The following CCDC87 variants were observed in gnomAD, a reference collection of about 807,000 sequenced individuals.
The protein encoded by CCDC87 is coiled-coil domain-containing protein 87.
For synonymous variants in CCDC87, 434 were observed against 440.2 expected (o/e 0.99, Z 0.18); for missense variants, 1,072 against 1,041.7 (o/e 1.03, Z -0.40).
chr11:66,591,908 G>A lies in CCDC87; in HGVS notation c.1108C>T (p.Arg370Cys), dbSNP rs111997006. ...LIKKMKLEGT[R>C]YPPLDSGLPP... ...AGGCCTGAGTCCAGTGGTGGGTAGC[G>A]AGTCCCCTCCAACTTCATCTTCTTT... The change falls in exon 1 of 1, where the codon CGC (arginine) becomes TGC (cysteine). Residue 370 changes from arginine (R) to cysteine (C), a missense_variant. By Grantham distance (180) the Arg-to-Cys change is radical. Coordinates refer to ENST00000333861, the MANE Select transcript of CCDC87 (RefSeq NM_018219.3). 3.3e-5 allele frequency: 54 copies of A among 1,613,926 alleles called. No homozygotes were observed. In the East Asian group the frequency reaches 1.1e-3, roughly 33 times the overall value.
chr11:66,591,238 G>C lies in CCDC87; in HGVS notation c.1778C>G (p.Ser593Cys), dbSNP rs779547079. Residue 593 changes from serine to cysteine, a missense_variant, in exon 1 of 1, where the codon TCT becomes TGT. By Grantham distance (112) the Ser-to-Cys change is moderately radical. Transcript: ENST00000333861. ...SLMNSWKTTL[S>C]VDDYFKYLTN... ...GAGGTACTTGAAGTAGTCATCCACA[G>C]ACAAGGTGGTTTTCCATGAGTTCAT... The C allele has an allele frequency of 1.2e-6, 2 of 1,614,270 alleles. No homozygotes were observed. The highest frequency in any genetic ancestry group is 2.2e-5 in the South Asian group (2 of 91,086).
Position 66,591,320 on chromosome 11 carries a change from G to A in CCDC87, c.1696C>T (p.Leu566Phe). Residue 566 changes from leucine (L) to phenylalanine (F), a missense_variant, in exon 1 of 1, where the codon CTC (leucine) becomes TTC (phenylalanine). Transcript: ENST00000333861. ...LQSNTKKMPS[L>F]PSLQATKSWE... ...CTTTTGGTAGCTTGGAGTGATGGGA[G>A]GGAGGGCATCTTCTTAGTATTGGAC... 1 of 1,614,198 alleles carries A rather than the reference G, an allele frequency of 6.2e-7. No homozygotes were observed.
Position 66,591,841 on chromosome 11 carries a change from C to T in CCDC87, c.1175G>A (p.Gly392Glu). The T allele has an allele frequency of 6.2e-7, 1 of 1,613,460 alleles. No homozygotes were observed. Among genetic ancestry groups the T allele is most frequent in the Middle Eastern group, 1.6e-4 (1 of 6,062 alleles). ...LGVVTRHPAA[G>E]HRLEELEKML... ...CTTCTCCAGCTCCTCCAGGCGATGC[C>T]CTGCAGCTGGGTGACGGGTCACAAC... The change falls in exon 1 of 1, where the codon GGG becomes GAG. Residue 392 changes from glycine to glutamate, a missense_variant. Coordinates refer to ENST00000333861, the MANE Select transcript of CCDC87 (RefSeq NM_018219.3).
chr11:66,592,028 G>A lies in CCDC87; in HGVS notation c.988C>T (p.Leu330Phe), dbSNP rs779905794. The A allele has an allele frequency of 1.9e-6, 3 of 1,613,832 alleles. No individual in the cohort carries two copies. Among genetic ancestry groups the A allele is most frequent in the Non-Finnish European group, 1.7e-6 (2 of 1,179,948 alleles). Residue 330 changes from leucine (L) to phenylalanine (F), a missense_variant, in exon 1 of 1, where the codon CTC (leucine) becomes TTC (phenylalanine). Transcript: ENST00000333861. ...AGCGGGGTTAAGGGGCGAGATGGGAGTGGAGGAAGGCCCAACTCATCTGCC... is the reference window on the plus strand; with the variant it reads ...AGCGGGGTTAAGGGGCGAGATGGGAATGGAGGAAGGCCCAACTCATCTGCC... Reference protein sequence around the residue: ...RLADELGLPPLPSRPLTPLVL... With the variant: ...RLADELGLPPFPSRPLTPLVL...
chr11:66,591,125 ACT>A lies in CCDC87; in HGVS notation c.1889_1890del (p.Glu630ValfsTer14), dbSNP rs779952719. ...GGGGGAGGGTGCTGAATCTCTAGGG[ACT>A]CTCTGGCAGGGGCCACAATCTCCAC... ...VPVEIVAPAR[E>X]SLEIQHPPPL... On this transcript the variant is annotated frameshift_variant, in exon 1 of 1. Coordinates refer to ENST00000333861, the MANE Select transcript of CCDC87 (RefSeq NM_018219.3). LOFTEE classifies it low-confidence loss of function (END_TRUNC). The A allele has an allele frequency of 3.7e-6, 6 of 1,613,454 alleles. No individual in the cohort carries two copies. The East Asian group carries it at 8.9e-5, about 24-fold the overall frequency.
rs781127005 is a variant in CCDC87, at chr11:66,592,882, A to C, written c.134T>G (p.Leu45Arg). ...CAGCTTCGCCAGAGGGAAGGACTGC[A>C]GAATCCGGCCCTCCTGCGGGGGGCG... ...QKRPPQEGRILQSFPLAKLTV... is the reference protein window; with the variant it reads ...QKRPPQEGRIRQSFPLAKLTV... The change falls in exon 1 of 1, where the codon CTG (leucine) becomes CGG (arginine). Residue 45 changes from leucine to arginine, a missense_variant. Leu to Arg is a moderately radical substitution (Grantham distance 102). Coordinates refer to ENST00000333861, the MANE Select transcript of CCDC87 (RefSeq NM_018219.3). 6.4e-7 allele frequency: 1 copy of C among 1,551,788 alleles called. No individual in the cohort carries two copies. Among genetic ancestry groups the C allele is most frequent in the Non-Finnish European group, 8.7e-7 (1 of 1,149,934 alleles).
In CCDC87 at chr11:66,591,749, GA is replaced by G; in HGVS notation, c.1266del (p.Pro423HisfsTer7). ...GQWDPQPPKSFPLHPQPVTIT... is the reference protein window; with the variant it reads ...GQWDPQPPKSXPLHPQPVTIT... ...ATGGTCACTGGCTGTGGGTGAAGTG[GA>G]AAGGATTTGGGGGGCTGGGGGTCCC... On this transcript the variant is annotated frameshift_variant, in exon 1 of 1. Transcript: ENST00000333861. LOFTEE classifies it low-confidence loss of function (END_TRUNC). 1.2e-6 allele frequency: 2 copies of G among 1,613,682 alleles called. No homozygotes were observed. The highest frequency in any genetic ancestry group is 1.7e-6 in the Non-Finnish European group (2 of 1,180,022).
In CCDC87 at chr11:66,590,595, G is replaced by C; in HGVS notation, c.2421C>G (p.Asp807Glu). The change falls in exon 1 of 1, where the codon GAC becomes GAG. Residue 807 changes from aspartate (D) to glutamate (E), a missense_variant. Asp to Glu is a conservative substitution (Grantham distance 45). Coordinates refer to ENST00000333861, the MANE Select transcript of CCDC87 (RefSeq NM_018219.3). ...TCTCCACTTTGTCACTCTTCATCTT[G>C]TCCAGGTAGGGCCGCCCCTTGAAGA... The part of the protein sequence containing the change: ...PVIFKGRPYL[D>E]KMKSDKVEML... The C allele has an allele frequency of 1.2e-6, 2 of 1,614,178 alleles. No individual in the cohort carries two copies. Among genetic ancestry groups the C allele is most frequent in the African/African-American group, 1.3e-5 (1 of 75,040 alleles).
Position 66,591,422 on chromosome 11 carries a change from G to C in CCDC87, c.1594C>G (p.Leu532Val), listed in dbSNP as rs1185910550. 1.2e-5 allele frequency: 19 copies of C among 1,614,148 alleles called. No homozygotes were observed. The highest frequency in any genetic ancestry group is 1.6e-5 in the Non-Finnish European group (19 of 1,180,030). Residue 532 changes from leucine (L) to valine (V), a missense_variant, in exon 1 of 1, where the codon CTA becomes GTA. Leu to Val is a conservative substitution (Grantham distance 32). Transcript: ENST00000333861. ...ATTTGAGGCTGTTTTTCTTGACGTA[G>C]AAAGGCTGAGGACAGGAAGGTCGAC... Reference protein sequence around the residue: ...DWSTFLSSAFLRQEKQPQIIN... With the variant: ...DWSTFLSSAFVRQEKQPQIIN...
At position 66,591,197 on chromosome 11, in the gene CCDC87, C is replaced by T; in HGVS notation, c.1819G>A (p.Asp607Asn). 1 of 1,614,242 alleles carries T rather than the reference C, an allele frequency of 6.2e-7. No homozygotes were observed. The highest frequency in any genetic ancestry group is 8.5e-7 in the Non-Finnish European group (1 of 1,180,048). Reference protein sequence around the residue: ...YFKYLTNHETDFLHVIFQMHE... With the variant: ...YFKYLTNHETNFLHVIFQMHE... ...ATTTGAAAGATGACATGAAGGAAAT[C>T]TGTTTCATGGTTGGTGAGGTACTTG... Residue 607 changes from aspartate (D) to asparagine (N), a missense_variant, in exon 1 of 1, where the codon GAT becomes AAT. By Grantham distance (23) the Asp-to-Asn change is conservative. Coordinates refer to ENST00000333861, the MANE Select transcript of CCDC87 (RefSeq NM_018219.3).
Position 66,592,772 on chromosome 11 carries a change from G to C in CCDC87, c.244C>G (p.Arg82Gly), listed in dbSNP as rs754049542. ...TCGTCCAGGATGACCTTGATGAGAC[G>C]TAGTCGGGCCTCAGGAGGCACTCCC... ...AAGVPPEARL[R>G]LIKVILDELK... Residue 82 changes from arginine to glycine, a missense_variant, in exon 1 of 1, where the codon CGT (arginine) becomes GGT (glycine). Coordinates refer to ENST00000333861, the MANE Select transcript of CCDC87 (RefSeq NM_018219.3). 5 of 1,613,170 alleles carry C rather than the reference G, an allele frequency of 3.1e-6. No homozygotes were observed. Among genetic ancestry groups the C allele is most frequent in the Non-Finnish European group, 3.4e-6 (4 of 1,179,786 alleles).
Position 66,590,739 on chromosome 11 carries a change from G to A in CCDC87, c.2277C>T (p.Ser759=). 4 of 1,613,382 alleles carry A rather than the reference G, an allele frequency of 2.5e-6. No homozygotes were observed. The highest frequency in any genetic ancestry group is 3.4e-6 in the Non-Finnish European group (4 of 1,180,044). The change falls in exon 1 of 1, where the codon TCC becomes TCT. Residue 759 remains serine (S), a synonymous_variant. Coordinates refer to ENST00000333861, the MANE Select transcript of CCDC87 (RefSeq NM_018219.3). ...NRFFKKTNLS[S]SHFLEENQVR... The stretch of plus-strand genomic sequence containing the variant: ...CCTGATTCTCCTCCAGGAAGTGACT[G>A]GAGCTCAAGTTGGTCTTTTTGAAGA...
In CCDC87 at chr11:66,591,280, G is replaced by A; in HGVS notation, c.1736C>T (p.Ser579Leu). The change falls in exon 1 of 1, where the codon TCA (serine) becomes TTA (leucine). Residue 579 changes from serine to leucine, a missense_variant. Physicochemically the swap from Ser to Leu is moderately radical, Grantham distance 145 (BLOSUM62 -2). Transcript: ENST00000333861. ...TGAGTTCATCAAGGAGGCCTTGTTT[G>A]ACCACTTCTCCCAGCTTTTGGTAGC... ...LQATKSWEKW[S>L]NKASLMNSWK... 6.2e-7 allele frequency: 1 copy of A among 1,614,198 alleles called. No homozygotes were observed. The highest frequency in any genetic ancestry group is 1.1e-5 in the South Asian group (1 of 91,070).
At position 66,592,521 on chromosome 11, in the gene CCDC87, G is replaced by T; in HGVS notation, c.495C>A (p.Phe165Leu). ...CACGGTAGACGTTGGGACTAGTAAGGAAGAGTGTGCAGTCCCTGGCGAGGC... is the reference window on the plus strand; with the variant it reads ...CACGGTAGACGTTGGGACTAGTAAGTAAGAGTGTGCAGTCCCTGGCGAGGC... ...AASLARDCTL[F>L]LTSPNVYRGL... The change falls in exon 1 of 1, where the codon TTC becomes TTA. Residue 165 changes from phenylalanine to leucine, a missense_variant. Coordinates refer to ENST00000333861, the MANE Select transcript of CCDC87 (RefSeq NM_018219.3). 1.9e-6 allele frequency: 3 copies of T among 1,613,476 alleles called. No homozygotes were observed. Among genetic ancestry groups the T allele is most frequent in the Non-Finnish European group, 2.5e-6 (3 of 1,180,026 alleles).
Position 66,592,854 on chromosome 11 carries a change from C to G in CCDC87, c.162G>C (p.Thr54=). ...CCACCTGGCTGCACAGCGACGCCACCGTCAGCTTCGCCAGAGGGAAGGACT... is the reference window on the plus strand; with the variant it reads ...CCACCTGGCTGCACAGCGACGCCACGGTCAGCTTCGCCAGAGGGAAGGACT... ...ILQSFPLAKL[T]VASLCSQVAK... is the part of the protein sequence containing the mutation. The change falls in exon 1 of 1, where the codon ACG becomes ACC. Residue 54 remains threonine, a synonymous_variant. Transcript: ENST00000333861. The G allele has an allele frequency of 6.4e-7, 1 of 1,574,252 alleles. No homozygotes were observed. The highest frequency in any genetic ancestry group is 8.6e-7 in the Non-Finnish European group (1 of 1,159,930).
Position 66,592,002 on chromosome 11 carries a change from C to T in CCDC87, c.1014G>A (p.Leu338=), listed in dbSNP as rs777169932. Residue 338 remains leucine (L), a synonymous_variant, in exon 1 of 1, where the codon CTG becomes CTA. Transcript: ENST00000333861. The stretch of plus-strand genomic sequence containing the variant: ...CTGGTTTGCTCTCTGTAGCCAAGAC[C>T]AGCGGGGTTAAGGGGCGAGATGGGA... The part of the protein sequence containing the change: ...PPLPSRPLTP[L]VLATESKPEL... 12 of 1,613,800 alleles carry T rather than the reference C, an allele frequency of 7.4e-6. No homozygotes were observed. The highest frequency in any genetic ancestry group is 1.3e-5 in the African/African-American group (1 of 74,920).
In CCDC87 at chr11:66,592,861, T is replaced by C. The variant is rs1353837136; in HGVS notation, c.155A>G (p.Lys52Arg). ...GRILQSFPLA[K>R]LTVASLCSQV... Reference sequence around the variant, plus strand: ...GCTGCACAGCGACGCCACCGTCAGCTTCGCCAGAGGGAAGGACTGCAGAAT... The same window carrying C: ...GCTGCACAGCGACGCCACCGTCAGCCTCGCCAGAGGGAAGGACTGCAGAAT... Residue 52 changes from lysine (K) to arginine (R), a missense_variant, in exon 1 of 1, where the codon AAG becomes AGG. Coordinates refer to ENST00000333861, the MANE Select transcript of CCDC87 (RefSeq NM_018219.3). 2 of 1,572,204 alleles carry C rather than the reference T, an allele frequency of 1.3e-6. No homozygotes were observed. The highest frequency in any genetic ancestry group is 1.2e-5 in the South Asian group (1 of 85,594).
rs1038643840 is a variant in CCDC87 at position 66,590,297 on chromosome 11, T to C, written c.*169A>G. On this transcript the variant is annotated 3_prime_UTR_variant, in exon 1 of 1. Coordinates refer to ENST00000333861, the MANE Select transcript of CCDC87 (RefSeq NM_018219.3). Reference sequence around the variant, plus strand: ...AATAGTTTTAGTCTCAATCCCTTCATAGTTGGAAGCATAATGTTCCTGAAC... The same window carrying C: ...AATAGTTTTAGTCTCAATCCCTTCACAGTTGGAAGCATAATGTTCCTGAAC... The C allele has an allele frequency of 4.4e-5, 26 of 588,048 alleles. No homozygotes were observed. The highest frequency in any genetic ancestry group is 4.5e-4 in the Middle Eastern group (1 of 2,220). 36.4% of individuals were successfully genotyped at this position (588,048 alleles called of 1,614,324 possible).
rs1419620993 is a variant in CCDC87, at chr11:66,590,874, C to T, written c.2142G>A (p.Leu714=). The T allele has an allele frequency of 6.2e-7, 1 of 1,613,920 alleles. No homozygotes were observed. Among genetic ancestry groups the T allele is most frequent in the Non-Finnish European group, 8.5e-7 (1 of 1,180,050 alleles). Residue 714 remains leucine (L), a synonymous_variant, in exon 1 of 1, where the codon CTG becomes CTA. Coordinates refer to ENST00000333861, the MANE Select transcript of CCDC87 (RefSeq NM_018219.3). ...GCTCCCAGGCATTCACCAATGAAGG[C>T]AGCTGCCTCAGGCGGGCTTTGGAGC... ...KYSSKARLRQ[L]PSLVNAWERA... is the part of the protein sequence containing the mutation.
Sources: allele counts gnomAD v4.1 joint callset, GRCh38; gene constraint gnomAD v4.1.1; transcripts MANE v1.5; gene names NCBI Gene and HGNC (gene_info 2026-07-23, HGNC 2026-07-21).